HNMT: variants seen among roughly 807,000 people sequenced by gnomAD.
The protein encoded by HNMT is histamine N-methyltransferase.
HNMT carries 30 observed loss-of-function variants against 32.1 expected under a neutral mutation model. The ratio of observed to expected loss-of-function variants is 0.93; its 90% CI spans 0.70 to 1.27. The LOEUF is 1.27. HNMT is among the 50% of genes most tolerant of loss of function. The probability of loss-of-function intolerance (pLI) is 0.00; values close to 1 mark genes in which losing one functional copy is unlikely to be tolerated. For missense variants in HNMT, 327 were observed against 346.0 expected (o/e 0.95, Z 0.43); for synonymous variants, 125 against 119.0 (o/e 1.05, Z -0.33).
At position 138,014,319 on chromosome 2, in the gene HNMT, C is replaced by G. The variant is rs568173581; in HGVS notation, c.*189C>G. On this transcript the variant is annotated 3_prime_UTR_variant, in exon 6 of 6. Coordinates refer to ENST00000280097, the MANE Select transcript of HNMT (RefSeq NM_006895.3). ...CATATGGGATACTGCTGGTCTTATCCTGTCCCTCCTCCAGGTAGAGAGACC... is the reference window on the plus strand; with the variant it reads ...CATATGGGATACTGCTGGTCTTATCGTGTCCCTCCTCCAGGTAGAGAGACC... 1.2e-5 allele frequency: 6 copies of G among 489,650 alleles called. No individual in the cohort carries two copies. In the South Asian group the frequency reaches 2.6e-4, roughly 21 times the overall value. 30.3% of individuals were successfully genotyped at this position (489,650 alleles called of 1,614,324 possible). A position where few individuals can be genotyped will look rare whatever the true frequency, so the allele number is the denominator to read the frequency against.
At chr2:138,003,376 G>C (rs1681240768) in intron 4 of HNMT, among the ~76,000 whole-genome samples, 1 of 152,024 alleles carries the variant, frequency 6.6e-6, no homozygotes. Flanking sequence ...TACGTATTTT[G>C]GCAATACCAC....
At chr2:137,983,942 G>A (rs1185738031) in intron 2 of HNMT, among the ~76,000 whole-genome samples, 5 of 152,178 alleles carry the variant, frequency 3.3e-5, no homozygotes, top group Non-Finnish European at 7.4e-5. Flanking sequence ...TTGTCAAAGA[G>A]GCAGATGTCG....
intron 2 of HNMT, among the ~76,000 whole-genome samples, chr2:137,997,673 G>C (rs554063552): frequency 6.6e-6 from 1 of 152,154 alleles, no homozygotes; most frequent in African/African-American, 2.4e-5. Context: ...GGATTGCTGG[G>C]TATATACCCA....
chr2:137,973,363 A>C (rs1680191491), intron 2 of HNMT, among the ~76,000 whole-genome samples: 1 of 152,310 alleles, frequency 6.6e-6, no homozygotes, highest in South Asian at 2.1e-4. Flanking sequence ...CTATACAGCA[A>C]GGAACTTTCT....
In HNMT at chr2:138,016,216, TGCATATGGTAAATGCTAA is replaced by T. The variant is rs1428938481; in HGVS notation, c.*2088_*2105del. Reference sequence around the variant, plus strand: ...TCTCTCAGTGTTTAACATGGTGCCTTGCATATGGTAAATGCTAAGTAAAGCGGGATCAATGAATTATTT... The same window carrying T: ...TCTCTCAGTGTTTAACATGGTGCCTTGTAAAGCGGGATCAATGAATTATTT... On this transcript the variant is annotated 3_prime_UTR_variant, in exon 6 of 6. Transcript: ENST00000280097. 3.3e-5 allele frequency: 5 copies of T among 152,164 alleles called. No individual in the cohort carries two copies. The East Asian group carries it at 9.6e-4, about 29-fold the overall frequency. The allele number at this position is 152,164 out of a possible 1,614,324, so 9.4% of individuals were successfully genotyped here. A position where few individuals can be genotyped will look rare whatever the true frequency, so the allele number is the denominator to read the frequency against.
rs1345840324 is a variant in HNMT at position 137,970,865 on chromosome 2, A to G, written c.190+648A>G. Among the ~76,000 whole-genome samples, 84 of 146,052 alleles carry G rather than the reference A, an allele frequency of 5.8e-4. No individual in the cohort carries two copies. In the Admixed American group the frequency reaches 5.8e-3, roughly 10 times the overall value. On this transcript the variant is annotated intron_variant, in intron 2 of 5. Coordinates refer to ENST00000280097, the MANE Select transcript of HNMT (RefSeq NM_006895.3). ...AATCCTGGAGGCGGAGCTTGCAGTG[A>G]GCCGAGATCGCGCCACTGCACTCCA...
At chr2:138,007,889 C>T (rs1382916533) in intron 5 of HNMT, among the ~76,000 whole-genome samples, 1 of 151,970 alleles carries the variant, frequency 6.6e-6, no homozygotes, top group Non-Finnish European at 1.5e-5. Flanking sequence ...AATCTGGACA[C>T]ACTTCCGTTG....
Position 137,964,490 on chromosome 2 carries a change from A to C in HNMT, c.-2A>C. 1 of 1,613,006 alleles carries C rather than the reference A, an allele frequency of 6.2e-7. No homozygotes were observed. The highest frequency in any genetic ancestry group is 8.5e-7 in the Non-Finnish European group (1 of 1,179,374). ...TGCTCTGTCTTTCTCAGAAAACCAA[A>C]TATGGCATCTTCCATGAGGAGCTTG... On this transcript the variant is annotated 5_prime_UTR_variant, in exon 1 of 6. Transcript: ENST00000280097.
At chr2:137,986,730 C>T (rs1425859507) in intron 2 of HNMT, among the ~76,000 whole-genome samples, 3 of 152,100 alleles carry the variant, frequency 2.0e-5, no homozygotes, top group Non-Finnish European at 4.4e-5. Flanking sequence ...TTTATAGAAA[C>T]ATTTCAAATT....
chr2:137,980,959 C>G (rs1338586402), intron 2 of HNMT, among the ~76,000 whole-genome samples: 1 of 152,042 alleles, frequency 6.6e-6, no homozygotes. Flanking sequence ...GCTGCAAACC[C>G]ACACCTGAAA....
At chr2:137,998,996 C>G (rs190072624) in intron 2 of HNMT, among the ~76,000 whole-genome samples, 1 of 152,014 alleles carries the variant, frequency 6.6e-6, no homozygotes, top group Non-Finnish European at 1.5e-5. Context: ...GTCTTTTTTT[C>G]CCTTCAGAAT....
At chr2:137,969,616 C>T (rs745865274) in intron 1 of HNMT, among the ~76,000 whole-genome samples, 1 of 152,118 alleles carries the variant, frequency 6.6e-6, no homozygotes, top group Non-Finnish European at 1.5e-5. Context: ...TCTGTCCACT[C>T]CACTCTATTT....
chr2:137,976,676 T>C (rs2104935753), intron 2 of HNMT, among the ~76,000 whole-genome samples: 1 of 152,354 alleles, frequency 6.6e-6, no homozygotes, highest in African/African-American at 2.4e-5. Context: ...ACCAGAAGGA[T>C]ATAGATTATA....
chr2:137,966,478 G>A (rs1294063541), intron 1 of HNMT, among the ~76,000 whole-genome samples: 5 of 152,094 alleles, frequency 3.3e-5, no homozygotes, highest in Admixed American at 2.6e-4. Flanking sequence ...ACTATATGTA[G>A]TCAAAATTTT....
chr2:137,972,055 A>T (rs536930289), intron 2 of HNMT, among the ~76,000 whole-genome samples: 5 of 152,116 alleles, frequency 3.3e-5, no homozygotes, highest in Non-Finnish European at 7.4e-5. Flanking sequence ...ATTAACACAA[A>T]GATAACTAAG....
intron 4 of HNMT, among the ~76,000 whole-genome samples, chr2:138,002,980 A>G (rs144805020): frequency 0.013 from 1,928 of 150,368 alleles, 38 homozygotes; most frequent in African/African-American, 0.044. Context: ...GGAGTGACGC[A>G]AGAACAAAAA....
intron 2 of HNMT, among the ~76,000 whole-genome samples, chr2:137,973,176 C>G (rs1392377677): frequency 1.3e-5 from 2 of 152,092 alleles, no homozygotes; most frequent in African/African-American, 2.4e-5. Flanking sequence ...TATATGAAAT[C>G]AAAAGCAATG....
intron 2 of HNMT, among the ~76,000 whole-genome samples, chr2:137,972,470 A>C (rs1680167559): frequency 6.6e-6 from 1 of 152,326 alleles, no homozygotes; most frequent in East Asian, 1.9e-4. Context: ...GATATAGTGT[A>C]ATAAGAACTA....
chr2:137,993,857 G>A (rs1385090353), intron 2 of HNMT, among the ~76,000 whole-genome samples: 1 of 152,016 alleles, frequency 6.6e-6, no homozygotes, highest in Non-Finnish European at 1.5e-5. Flanking sequence ...AAGATTGGGG[G>A]CCAATATTCA....
Sources: allele counts gnomAD v4.1 joint callset (sites outside exome capture counted in the v4.1 genomes callset), GRCh38; gene constraint gnomAD v4.1.1; transcripts MANE v1.5; gene names NCBI Gene and HGNC (gene_info 2026-07-23, HGNC 2026-07-21).